PLEKHA6: variants seen among roughly 807,000 people sequenced by gnomAD.
PLEKHA6 encodes pleckstrin homology domain containing A6.
PLEKHA6 carries 60 observed loss-of-function variants against 116.7 expected under a neutral mutation model. That is an observed-to-expected ratio of 0.51 (90% CI 0.42 to 0.64). The LOEUF (loss-of-function observed/expected upper bound fraction) is 0.64. Among genes scored for constraint, PLEKHA6 ranks in the 30% least tolerant of loss-of-function variants. The probability of loss-of-function intolerance (pLI) is 0.00; values close to 1 mark genes in which losing one functional copy is unlikely to be tolerated. For missense variants in PLEKHA6, 1,338 were observed against 1,422.7 expected, an observed-to-expected ratio of 0.94 and a Z score of 0.96; for synonymous variants, 489 against 556.1, an observed-to-expected ratio of 0.88 and a Z score of 1.70.
intron 15 of PLEKHA6, among the ~76,000 whole-genome samples, chr1:204,243,547 G>T (rs1298799521): frequency 6.6e-6 from 1 of 152,076 alleles, no homozygotes; most frequent in Non-Finnish European, 1.5e-5. Flanking sequence ...CCCCATGCCA[G>T]GCAGCTCCTC....
rs1246376872 is a variant in PLEKHA6, at chr1:204,223,670, G to T, written c.3032-85C>A. The T allele has an allele frequency of 1.5e-6, 1 of 655,602 alleles. No homozygotes were observed. Among genetic ancestry groups the T allele is most frequent in the East Asian group, 2.7e-5 (1 of 36,670 alleles). The allele number at this position is 655,602 out of a possible 1,614,324, so 40.6% of individuals were successfully genotyped here. A position where few individuals can be genotyped will look rare whatever the true frequency, so the allele number is the denominator to read the frequency against. The stretch of plus-strand genomic sequence containing the variant: ...CCAGAGCAAGCGAGGCCCTCCCCAG[G>T]CAGGGAGTGAGGCAGGGAGGCAAGC... On this transcript the variant is annotated intron_variant, in intron 21 of 22. Transcript: ENST00000272203. This position sits in a 1 kb window ranked among gnomAD's most constrained non-coding sequence, Gnocchi z 4.8.
At chr1:204,374,756 C>T (rs1448062902) in intron 1 of PLEKHA6, among the ~76,000 whole-genome samples, 2 of 152,110 alleles carry the variant, frequency 1.3e-5, no homozygotes, top group Non-Finnish European at 2.9e-5. Context: ...TGCCATGTCC[C>T]CTGGCAGCTT....
intron 1 of PLEKHA6, chr1:204,309,831 T>C (rs898185046): frequency 1.2e-5 from 4 of 323,952 alleles, no homozygotes; most frequent in African/African-American, 9.0e-5. Context: ...GTTAGATATA[T>C]ATTTTTAGCT....
At chr1:204,351,492 C>T (rs1673280015) in intron 1 of PLEKHA6, among the ~76,000 whole-genome samples, 1 of 152,206 alleles carries the variant, frequency 6.6e-6, no homozygotes, top group Non-Finnish European at 1.5e-5. Context: ...ATCCAGGAGT[C>T]CACACATATG....
chr1:204,256,486 C>T (rs866260003), intron 9 of PLEKHA6, among the ~76,000 whole-genome samples: 1 of 152,150 alleles, frequency 6.6e-6, no homozygotes, highest in Non-Finnish European at 1.5e-5. Flanking sequence ...TTGTTAGGAG[C>T]TCTGGCCTGA....
chr1:204,300,650 G>A (rs1435301692), intron 1 of PLEKHA6, among the ~76,000 whole-genome samples: 4 of 152,294 alleles, frequency 2.6e-5, no homozygotes, highest in Admixed American at 6.5e-5. Flanking sequence ...AGAGCTCCCC[G>A]TGCCCACCCT....
chr1:204,295,311 G>A (rs1670161669), intron 1 of PLEKHA6, among the ~76,000 whole-genome samples: 1 of 152,060 alleles, frequency 6.6e-6, no homozygotes, highest in African/African-American at 2.4e-5. Context: ...CCAACATAAT[G>A]AAACCCTGTT....
At chr1:204,318,536 C>G (rs1222905646) in intron 1 of PLEKHA6, among the ~76,000 whole-genome samples, 1 of 152,216 alleles carries the variant, frequency 6.6e-6, no homozygotes, top group Non-Finnish European at 1.5e-5. Flanking sequence ...GTTTTGGCCA[C>G]TGAGGAGGTG....
Position 204,259,202 on chromosome 1 carries a change from G to A in PLEKHA6, c.1007+56C>T, listed in dbSNP as rs543624357. 2.7e-5 allele frequency: 42 copies of A among 1,563,314 alleles called. No homozygotes were observed. Among genetic ancestry groups the A allele is most frequent in the African/African-American group, 9.4e-5 (7 of 74,282 alleles). On this transcript the variant is annotated intron_variant, in intron 8 of 22. Transcript: ENST00000272203. This position sits in a 1 kb window ranked among gnomAD's most constrained non-coding sequence, Gnocchi z 4.6. The stretch of plus-strand genomic sequence containing the variant: ...TGCCTCGTGGGCTATGACCCCACTC[G>A]CACGCTCTAGCCATAATACCATATC...
intron 3 of PLEKHA6, among the ~76,000 whole-genome samples, chr1:204,271,003 A>G (rs910697466): frequency 6.6e-6 from 1 of 152,212 alleles, no homozygotes; most frequent in African/African-American, 2.4e-5. Flanking sequence ...GATCCCCCTG[A>G]GTGGTTAGCT....
upstream of PLEKHA6, among the ~76,000 whole-genome samples, chr1:204,361,943 G>A (rs576232124): frequency 2.6e-5 from 4 of 152,358 alleles, no homozygotes; most frequent in African/African-American, 7.2e-5. Context: ...AAAGGCAGGC[G>A]ACCAACAGAT....
At position 204,286,215 on chromosome 1, in the gene PLEKHA6, C is replaced by T. The variant is rs145156396; in HGVS notation, c.-94-11406G>A. Among the ~76,000 whole-genome samples, 341 of 152,216 alleles carry T rather than the reference C, an allele frequency of 2.2e-3. 1 individual carries two copies. Among genetic ancestry groups the T allele is most frequent in the African/African-American group, 6.4e-3 (265 of 41,530 alleles). The stretch of plus-strand genomic sequence containing the variant: ...GGGAGGGAAGACAATCTCAGAGGAA[C>T]GGAAGAGGTGCTCCTAGGCCTAGAC... On this transcript the variant is annotated intron_variant, in intron 1 of 22. Transcript: ENST00000272203.
intron 2 of PLEKHA6, chr1:204,367,986 G>C (rs899302549): frequency 6.6e-6 from 1 of 152,238 alleles, no homozygotes; most frequent in Non-Finnish European, 1.5e-5. Flanking sequence ...ATATAAGCCA[G>C]CCGAGTTCAA....
chr1:204,376,893 C>T (rs548550641), intron 1 of PLEKHA6, among the ~76,000 whole-genome samples: 1 of 152,212 alleles, frequency 6.6e-6, no homozygotes, highest in African/African-American at 2.4e-5. Flanking sequence ...ATAGTAGAAG[C>T]GAGCCAAAAG....
At chr1:204,267,689 C>T in intron 4 of PLEKHA6, 142 bp from the exon 5 acceptor site, 1 of 678,598 alleles carries the variant, frequency 1.5e-6, no homozygotes, top group South Asian at 1.7e-5. Flanking sequence ...ACGGCAGCAA[C>T]CCCTGGAGAC....
chr1:204,339,053 C>T (rs1402727167), intron 1 of PLEKHA6, among the ~76,000 whole-genome samples: 1 of 152,222 alleles, frequency 6.6e-6, no homozygotes, highest in Non-Finnish European at 1.5e-5. Context: ...CTTGCAGTTT[C>T]CACTTGGGTC....
chr1:204,257,810 G>A lies in PLEKHA6; in HGVS notation c.1067C>T (p.Ser356Phe). 1 of 1,614,064 alleles carries A rather than the reference G, an allele frequency of 6.2e-7. No individual in the cohort carries two copies. The highest frequency in any genetic ancestry group is 1.7e-5 in the Admixed American group (1 of 60,012). The change falls in exon 9 of 23, where the codon TCC becomes TTC. Residue 356 changes from serine to phenylalanine, a missense_variant. Coordinates refer to ENST00000272203, the MANE Select transcript of PLEKHA6 (RefSeq NM_014935.5). This position sits in a 1 kb window ranked among gnomAD's most constrained non-coding sequence, Gnocchi z 6.5. ...GTACTGATAATCATCGGGGTACTGG[G>A]AGGAGTAGGGGCCATAGTACTCAGG... ...RVPEYYGPYS[S>F]QYPDDYQYYP...
chr1:204,310,793 C>A (rs530291363), intron 1 of PLEKHA6, among the ~76,000 whole-genome samples: 58 of 152,284 alleles, frequency 3.8e-4, no homozygotes, highest in African/African-American at 1.1e-3. Flanking sequence ...AGTTCTGAGA[C>A]ATGCAGCAGG....
At chr1:204,307,444 T>C (rs1355642391) in intron 1 of PLEKHA6, 2 of 152,290 alleles carry the variant, frequency 1.3e-5, no homozygotes, top group African/African-American at 4.8e-5. Flanking sequence ...GCGGATGCAC[T>C]GCCCATGAGA....
Sources: allele counts gnomAD v4.1 joint callset (sites outside exome capture counted in the v4.1 genomes callset), GRCh38; gene constraint gnomAD v4.1.1; non-coding constraint Gnocchi (gnomAD v3.1); transcripts MANE v1.5; gene names NCBI Gene and HGNC (gene_info 2026-07-23, HGNC 2026-07-21).